Variants in LRIT3 observed in about 807,000 individuals in gnomAD.
LRIT3 encodes leucine-rich repeat, immunoglobulin-like domain and transmembrane domain-containing protein 3.
LRIT3 carries 14 observed loss-of-function variants against 22.6 expected under a neutral mutation model. The ratio of observed to expected loss-of-function variants is 0.62; its 90% CI spans 0.41 to 0.97. The LOEUF is 0.97. LRIT3 is among the 50% of genes least tolerant of loss of function. The pLI, the probability that LRIT3 is intolerant of heterozygous loss-of-function variation, is 0.00. For missense variants in LRIT3, 783 were observed against 803.0 expected (o/e 0.98, Z 0.30); for synonymous variants, 306 against 304.5 (o/e 1.01, Z -0.05).
chr4:109,859,764 G>T (rs1212050424), intron 2 of LRIT3, among the ~76,000 whole-genome samples: 1 of 152,198 alleles, frequency 6.6e-6, no homozygotes, highest in African/African-American at 2.4e-5. Context: ...CTCCCTGACT[G>T]CACATCCATT....
At chr4:109,855,283 C>T (rs1304580131) in intron 2 of LRIT3, among the ~76,000 whole-genome samples, 1 of 151,988 alleles carries the variant, frequency 6.6e-6, no homozygotes, top group East Asian at 1.9e-4. Flanking sequence ...GTGTATGTGT[C>T]CAGGAATTTA....
chr4:109,850,421 TC>T (rs371451269), intron 1 of LRIT3, among the ~76,000 whole-genome samples: 2,029 of 12,108 alleles, frequency 0.17, 545 homozygotes, highest in African/African-American at 0.23. Flanking sequence ...CTTCCTTCCT[TC>T]CTTTCTTTCT....
intron 2 of LRIT3, among the ~76,000 whole-genome samples, chr4:109,866,250 T>C (rs936268264): frequency 3.9e-5 from 6 of 152,184 alleles, no homozygotes; most frequent in African/African-American, 1.4e-4. Context: ...TCCACTCCAT[T>C]AGTAAAAAGC....
intron 2 of LRIT3, among the ~76,000 whole-genome samples, chr4:109,863,935 G>A (rs1296140408): frequency 6.6e-6 from 1 of 152,100 alleles, no homozygotes; most frequent in East Asian, 1.9e-4. Flanking sequence ...CACATAGGAA[G>A]CAATCAAAAC....
intron 1 of LRIT3, among the ~76,000 whole-genome samples, chr4:109,850,410 C>CTTTCTTTCTCTTTCTTTCTTTCTTT (rs1328726520): frequency 1.8e-4 from 1 of 5,698 alleles, no homozygotes; most frequent in Non-Finnish European, 1.0e-3. Context: ...TTCCTTCCTT[C>CTTTCTTTCTCTTTCTTTCTTTCTTT]CTTCCTTCCT....
Position 109,867,834 on chromosome 4 carries a change from C to A in LRIT3, c.783C>A (p.Thr261=), listed in dbSNP as rs1420502925. The change falls in exon 3 of 4, where the codon ACC becomes ACA. Residue 261 remains threonine, a synonymous_variant. Coordinates refer to ENST00000594814, the MANE Select transcript of LRIT3 (RefSeq NM_198506.5). The stretch of plus-strand genomic sequence containing the variant: ...AACCATCAGTGATGACCTCAGCCAC[C>A]AAAATCATGTCTGCTCTGGGCAGTA... ...CLKPSVMTSA[T]KIMSALGSNV... is the part of the protein sequence containing the mutation. The A allele has an allele frequency of 6.2e-7, 1 of 1,614,010 alleles. No individual in the cohort carries two copies. Among genetic ancestry groups the A allele is most frequent in the East Asian group, 2.2e-5 (1 of 44,886 alleles).
rs959295666 is a variant in LRIT3, at chr4:109,870,007, G to C, written c.1258G>C (p.Val420Leu). The C allele has an allele frequency of 1.2e-6, 2 of 1,613,982 alleles. No homozygotes were observed. Among genetic ancestry groups the C allele is most frequent in the African/African-American group, 1.3e-5 (1 of 74,976 alleles). ...FSLSPFSSST[V>L]SSTTTLSTSI... Reference sequence around the variant, plus strand: ...TTTATCTCCTTTCTCCTCCTCCACTGTTTCTTCAACCACAACTCTGAGCAC... The same window carrying C: ...TTTATCTCCTTTCTCCTCCTCCACTCTTTCTTCAACCACAACTCTGAGCAC... The change falls in exon 4 of 4, where the codon GTT becomes CTT. Residue 420 changes from valine (V) to leucine (L), a missense_variant. Val to Leu is a conservative substitution (Grantham distance 32, BLOSUM62 1). Transcript: ENST00000594814.
intron 2 of LRIT3, among the ~76,000 whole-genome samples, chr4:109,860,389 G>GC (rs1427669677): frequency 6.6e-6 from 1 of 152,142 alleles, no homozygotes; most frequent in Non-Finnish European, 1.5e-5. Context: ...CTGTAGATGT[G>GC]CCCCACCCTT....
At position 109,870,040 on chromosome 4, in the gene LRIT3, T is replaced by C; in HGVS notation, c.1291T>C (p.Ser431Pro). The change falls in exon 4 of 4, where the codon TCA (serine) becomes CCA (proline). Residue 431 changes from serine to proline, a missense_variant. This residue lies in a region of LRIT3 where 756 missense variants were observed against 753.8 expected (regional missense o/e 1.00). Transcript: ENST00000594814. ...AACCACAACTCTGAGCACAAGCATC[T>C]CAGCAAGTACCACCATGGCCAACAA... Reference protein sequence around the residue: ...SSTTTLSTSISASTTMANKRS... With the variant: ...SSTTTLSTSIPASTTMANKRS... 6.2e-7 allele frequency: 1 copy of C among 1,614,146 alleles called. No individual in the cohort carries two copies. Among genetic ancestry groups the C allele is most frequent in the Non-Finnish European group, 8.5e-7 (1 of 1,180,020 alleles).
rs541806854 is a variant in LRIT3, at chr4:109,853,763, A to C, written c.589+1787A>C. Among the ~76,000 whole-genome samples the C allele has an allele frequency of 1.7e-3, 252 of 151,530 alleles. 2 individuals carry two copies. Among genetic ancestry groups the C allele is most frequent in the African/African-American group, 5.8e-3 (237 of 40,866 alleles). On this transcript the variant is annotated intron_variant, in intron 2 of 3. Coordinates refer to ENST00000594814, the MANE Select transcript of LRIT3 (RefSeq NM_198506.5). ...TAAGTCTTTAATCCATCTTGAGTTA[A>C]TAAGGTGTAAGGAAAGGGTGCAGTT...
intron 2 of LRIT3, among the ~76,000 whole-genome samples, chr4:109,861,129 G>T (rs1328659624): frequency 1.3e-5 from 2 of 152,164 alleles, no homozygotes; most frequent in Non-Finnish European, 2.9e-5. Context: ...AACACTTTGG[G>T]AGGCGAAGGC....
chr4:109,863,011 T>C (rs571177445), intron 2 of LRIT3, among the ~76,000 whole-genome samples: 1 of 152,252 alleles, frequency 6.6e-6, no homozygotes, highest in East Asian at 1.9e-4. Flanking sequence ...TATTTGTAAA[T>C]AATAGCGCTT....
chr4:109,857,132 T>C (rs1734423761), intron 2 of LRIT3, among the ~76,000 whole-genome samples: 1 of 152,138 alleles, frequency 6.6e-6, no homozygotes, highest in South Asian at 2.1e-4. Context: ...CAGGTAATTA[T>C]GTTGGTTTTT....
chr4:109,849,682 G>A (rs947640395), intron 1 of LRIT3, among the ~76,000 whole-genome samples: 1 of 152,124 alleles, frequency 6.6e-6, no homozygotes, highest in Non-Finnish European at 1.5e-5. Context: ...GCACAATCTC[G>A]GCTCACTGCA....
At chr4:109,853,501 G>T (rs554121715) in intron 2 of LRIT3, among the ~76,000 whole-genome samples, 1 of 152,012 alleles carries the variant, frequency 6.6e-6, no homozygotes, top group South Asian at 2.1e-4. Context: ...CCTTTGTCAG[G>T]TGGATAGATT....
chr4:109,858,979 C>A lies in LRIT3; in HGVS notation c.589+7003C>A, dbSNP rs565567616. 8.5e-5 allele frequency among the ~76,000 whole-genome samples: 13 copies of A among 152,284 alleles called. No individual in the cohort carries two copies. The South Asian group carries it at 2.7e-3, about 32-fold the overall frequency. ...TGTTTTTTAACATAAGAAGTGGCTTCTCTGGTTTGACAGGTAGCCCAGATG... is the reference window on the plus strand; with the variant it reads ...TGTTTTTTAACATAAGAAGTGGCTTATCTGGTTTGACAGGTAGCCCAGATG... On this transcript the variant is annotated intron_variant, in intron 2 of 3. Transcript: ENST00000594814.
intron 2 of LRIT3, among the ~76,000 whole-genome samples, chr4:109,867,282 A>C (rs540339396): frequency 6.6e-6 from 1 of 152,248 alleles, no homozygotes; most frequent in African/African-American, 2.4e-5. Flanking sequence ...CATCTTTAAC[A>C]TAGGGATAGA....
intron 2 of LRIT3, among the ~76,000 whole-genome samples, chr4:109,859,052 A>G (rs531137214): frequency 1.3e-5 from 2 of 152,320 alleles, no homozygotes; most frequent in South Asian, 4.1e-4. Context: ...CTAATTTTCC[A>G]AAAGATGGGT....
intron 2 of LRIT3, among the ~76,000 whole-genome samples, chr4:109,863,789 T>A (rs1016475797): frequency 9.9e-5 from 15 of 152,162 alleles, no homozygotes; most frequent in Admixed American, 2.0e-4. Flanking sequence ...TCCCAGAATG[T>A]GGACCTCTCA....
Sources: gnomAD v4.1 joint callset for allele counts (sites outside exome capture counted in the v4.1 genomes callset) on GRCh38, gnomAD v4.1.1 for gene constraint, gnomAD v4.1.1 regional missense constraint, MANE v1.5 for transcripts, NCBI Gene and HGNC (gene_info 2026-07-23, HGNC 2026-07-21) for gene names.